The following STX3 variants were observed in gnomAD, a reference collection of about 807,000 sequenced individuals.
The protein encoded by STX3 is syntaxin 3, also known as syntaxin-3.
In STX3, 19 loss-of-function variants were observed where a neutral mutation model predicts 40.2. The observed-to-expected ratio is 0.47, with a 90% CI of 0.33 to 0.69. STX3 has a LOEUF of 0.69. Ranked by LOEUF, STX3 falls within the 30% of genes least tolerant of loss-of-function variation. STX3 has a pLI of 0.02. For synonymous variants in STX3, 122 were observed against 132.2 expected (o/e 0.92, Z 0.53); for missense variants, 364 against 366.7 (o/e 0.99, Z 0.06).
intron 9 of STX3, among the ~76,000 whole-genome samples, chr11:59,796,068 C>T (rs1865502813): frequency 6.6e-6 from 1 of 152,220 alleles, no homozygotes; most frequent in African/African-American, 2.4e-5. Flanking sequence ...GTCTTCCACT[C>T]CAGGCGCCCA....
intron 1 of STX3, among the ~76,000 whole-genome samples, chr11:59,763,917 CTGAGGCAGGAGAATCACT>C (rs1271754830): frequency 6.6e-6 from 1 of 151,882 alleles, no homozygotes; most frequent in African/African-American, 2.4e-5. Context: ...ACTTGGGAGA[CTGAGGCAGGAGAATCACT>C]TGAACCCGGG....
chr11:59,756,986 G>T (rs1189396487), intron 1 of STX3, among the ~76,000 whole-genome samples: 1 of 152,238 alleles, frequency 6.6e-6, no homozygotes, highest in Non-Finnish European at 1.5e-5. Context: ...GGGCTGCGGA[G>T]GAGGCAGGTA....
chr11:59,797,330 A>G lies in STX3; in HGVS notation c.834A>G (p.Leu278=). The part of the protein sequence containing the change: ...IVLVVVLLGI[L]ALIIGLSVGL... ...TAGTAGTTGTGTTGCTGGGCATTTT[A>G]GCATTGATTATTGGACTTTCCGTTG... Residue 278 remains leucine (L), a synonymous_variant, in exon 10 of 11, where the codon TTA becomes TTG. Transcript: ENST00000337979. 1 of 1,614,140 alleles carries G rather than the reference A, an allele frequency of 6.2e-7. No individual in the cohort carries two copies. The highest frequency in any genetic ancestry group is 8.5e-7 in the Non-Finnish European group (1 of 1,180,022).
At chr11:59,792,053 C>A in intron 5 of STX3, 54 bp from the exon 6 acceptor site, 1 of 1,412,526 alleles carries the variant, frequency 7.1e-7, no homozygotes, top group Non-Finnish European at 9.9e-7. Context: ...GGGAGGGGTT[C>A]TATAACAGTT....
chr11:59,754,357 T>C (rs574067714), upstream of STX3: 15 of 152,318 alleles, frequency 9.8e-5, no homozygotes, highest in African/African-American at 3.4e-4. Flanking sequence ...ACTGCTAGAA[T>C]TACAAAGATA....
At chr11:59,783,958 A>C (rs1216531196) in intron 2 of STX3, among the ~76,000 whole-genome samples, 3 of 152,056 alleles carry the variant, frequency 2.0e-5, no homozygotes, top group African/African-American at 7.2e-5. Context: ...TGGGTGGAGG[A>C]TGGGTGGGGT....
intron 1 of STX3, among the ~76,000 whole-genome samples, chr11:59,768,333 C>G (rs1863388184): frequency 6.6e-6 from 1 of 152,168 alleles, no homozygotes; most frequent in Non-Finnish European, 1.5e-5. Context: ...GATACTATCC[C>G]TGACTTCAGG....
At chr11:59,767,013 A>G (rs1238549986) in intron 1 of STX3, among the ~76,000 whole-genome samples, 2 of 152,232 alleles carry the variant, frequency 1.3e-5, no homozygotes, top group Non-Finnish European at 1.5e-5. Flanking sequence ...ACCTGTGGTC[A>G]GATAGACTAA....
chr11:59,782,225 G>T (rs927718675), intron 2 of STX3, among the ~76,000 whole-genome samples: 1 of 152,198 alleles, frequency 6.6e-6, no homozygotes, highest in East Asian at 1.9e-4. Context: ...ATTATATTTG[G>T]CCACGCCCAA....
At chr11:59,781,563 G>A (rs958913347) in intron 2 of STX3, 21 of 1,613,618 alleles carry the variant, frequency 1.3e-5, no homozygotes, top group Non-Finnish European at 1.8e-5. Flanking sequence ...AGTTTTTATG[G>A]TGAGGTTTTT....
chr11:59,771,418 G>A (rs1245342298), intron 1 of STX3, among the ~76,000 whole-genome samples: 3 of 34,486 alleles, frequency 8.7e-5, no homozygotes, highest in East Asian at 8.5e-4. Flanking sequence ...CCCCCCGCCC[G>A]CCCACAGAAT....
chr11:59,795,811 TC>T lies in STX3; in HGVS notation c.786+332del, dbSNP rs1865487519. 6.7e-6 allele frequency: 7 copies of T among 1,048,792 alleles called. No individual in the cohort carries two copies. The Admixed American group carries it at 8.2e-5, about 12-fold the overall frequency. 65.0% of individuals were successfully genotyped at this position (1,048,792 alleles called of 1,614,324 possible). A position where few individuals can be genotyped will look rare whatever the true frequency, so the allele number is the denominator to read the frequency against. ...CTGTGTTCTTGAGCCCATGCCTCCCTCCCTGTCGTAGCCTCATCAACCCCTC... is the reference window on the plus strand; with the variant it reads ...CTGTGTTCTTGAGCCCATGCCTCCCTCCTGTCGTAGCCTCATCAACCCCTC... On this transcript the variant is annotated intron_variant, in intron 9 of 10. Coordinates refer to ENST00000337979, the MANE Select transcript of STX3 (RefSeq NM_004177.5).
rs2135020512 is a variant in STX3 at position 59,793,395 on chromosome 11, A to G, written c.556A>G (p.Ile186Val). Residue 186 changes from isoleucine to valine, a missense_variant, in exon 8 of 11, where the codon ATT becomes GTT. By Grantham distance (29) the Ile-to-Val change is conservative. Transcript: ENST00000337979. Reference sequence around the variant, plus strand: ...CCTGTTGTAGATCATTGACTCACAGATTTCCAAGCAAGCCCTCAGTGAGAT... The same window carrying G: ...CCTGTTGTAGATCATTGACTCACAGGTTTCCAAGCAAGCCCTCAGTGAGAT... Reference protein sequence around the residue: ...IFTSGIIDSQISKQALSEIEG... With the variant: ...IFTSGIIDSQVSKQALSEIEG... The G allele has an allele frequency of 1.2e-6, 2 of 1,613,942 alleles. No individual in the cohort carries two copies. Among genetic ancestry groups the G allele is most frequent in the Non-Finnish European group, 1.7e-6 (2 of 1,179,924 alleles).
chr11:59,797,891 C>T (rs1865615098), intron 10 of STX3, among the ~76,000 whole-genome samples: 2 of 152,218 alleles, frequency 1.3e-5, no homozygotes, highest in Admixed American at 1.3e-4. Flanking sequence ...ATAGTTAACA[C>T]ACTTTTGAGT....
intron 1 of STX3, among the ~76,000 whole-genome samples, chr11:59,764,191 C>T (rs1482602049): frequency 6.6e-6 from 1 of 152,146 alleles, no homozygotes; most frequent in African/African-American, 2.4e-5. Flanking sequence ...ATTCTCTCCT[C>T]CTGAGACATC....
At chr11:59,769,030 T>C (rs1565166029) in intron 1 of STX3, among the ~76,000 whole-genome samples, 1 of 152,122 alleles carries the variant, frequency 6.6e-6, no homozygotes, top group Non-Finnish European at 1.5e-5. Context: ...TAATTTCTTG[T>C]CATCTACTCC....
intron 4 of STX3, 139 bp downstream of exon 4, chr11:59,789,086 G>T (rs1678838262): frequency 2.9e-6 from 2 of 700,078 alleles, no homozygotes; most frequent in Admixed American, 5.5e-5. Flanking sequence ...TTTGGGCTCT[G>T]TCCCCGCAAT....
chr11:59,799,918 T>C, intron 10 of STX3: 1 of 985,314 alleles, frequency 1.0e-6, no homozygotes, highest in Non-Finnish European at 1.2e-6. Context: ...CTGATTGAAA[T>C]AGATGTTGAA....
chr11:59,755,625 AGCT>A lies in STX3; in HGVS notation c.22_24del (p.Leu8del). On this transcript the variant is annotated inframe_deletion, in exon 1 of 11. Transcript: ENST00000337979. ...TTCAGGATGAAGGACCGTCTGGAGC[AGCT>A]GAAGGCCGTGAGTTTCGCCGCAGGC... The A allele has an allele frequency of 6.3e-7, 1 of 1,594,734 alleles. No individual in the cohort carries two copies. The highest frequency in any genetic ancestry group is 8.5e-7 in the Non-Finnish European group (1 of 1,176,484).
Sources: gnomAD v4.1 joint callset for allele counts (sites outside exome capture counted in the v4.1 genomes callset) on GRCh38, gnomAD v4.1.1 for gene constraint, MANE v1.5 for transcripts, NCBI Gene and HGNC (gene_info 2026-07-23, HGNC 2026-07-21) for gene names.